Variants in PPM1L observed in about 807,000 individuals in gnomAD.
The protein encoded by PPM1L is protein phosphatase 1L.
Under a neutral mutation model 31.4 loss-of-function variants are expected in PPM1L, and 13 were observed. The ratio of observed to expected loss-of-function variants is 0.41; its 90% CI spans 0.27 to 0.66. The LOEUF is 0.66. PPM1L is among the 30% of genes least tolerant of loss of function. PPM1L has a pLI of 0.29. For missense variants in PPM1L, 326 were observed against 453.7 expected (o/e 0.72, Z 2.56); for synonymous variants, 184 against 175.4 (o/e 1.05, Z -0.39).
In PPM1L at chr3:160,917,891, G is replaced by A. The variant is rs577273430; in HGVS notation, c.400-43845G>A. Reference sequence around the variant, plus strand: ...TGATTAATATTCCTTTTCTTTGTTCGTAATAAAATTCAAGATAGATTTCAA... The same window carrying A: ...TGATTAATATTCCTTTTCTTTGTTCATAATAAAATTCAAGATAGATTTCAA... On this transcript the variant is annotated intron_variant, in intron 1 of 3. Transcript: ENST00000498165. Among the ~76,000 whole-genome samples the A allele has an allele frequency of 2.2e-4, 33 of 152,018 alleles. 3 individuals are homozygous for A. In the South Asian group the frequency reaches 5.0e-3, roughly 23 times the overall value.
intron 1 of PPM1L, among the ~76,000 whole-genome samples, chr3:160,919,949 T>C (rs1355119858): frequency 6.6e-6 from 1 of 152,130 alleles, no homozygotes; most frequent in Non-Finnish European, 1.5e-5. Flanking sequence ...CTTCCCCAGC[T>C]TTCTCCCCAC....
chr3:160,834,258 C>T (rs965153834), intron 1 of PPM1L, among the ~76,000 whole-genome samples: 3 of 151,884 alleles, frequency 2.0e-5, no homozygotes, highest in South Asian at 2.1e-4. Flanking sequence ...CTCCTGACCT[C>T]GTGATCTGCC....
At chr3:161,030,828 T>C (rs1718542551) in intron 2 of PPM1L, among the ~76,000 whole-genome samples, 2 of 152,094 alleles carry the variant, frequency 1.3e-5, no homozygotes, top group East Asian at 1.9e-4. Flanking sequence ...ACACAGGATA[T>C]AGAAACAATC....
chr3:161,022,080 C>A, intron 2 of PPM1L: 1 of 599,234 alleles, frequency 1.7e-6, no homozygotes, highest in Non-Finnish European at 2.9e-6. Context: ...GTTCCTTTAT[C>A]ACTCCATTAT....
chr3:160,820,559 A>G (rs1319717348), intron 1 of PPM1L, among the ~76,000 whole-genome samples: 1 of 152,004 alleles, frequency 6.6e-6, no homozygotes. Context: ...TTCTTACTTA[A>G]CAACTTTTAC....
chr3:160,772,677 AG>A (rs1475991940), intron 1 of PPM1L, among the ~76,000 whole-genome samples: 1 of 152,184 alleles, frequency 6.6e-6, no homozygotes, highest in East Asian at 1.9e-4. Flanking sequence ...CACCCTCAAA[AG>A]TTTCTTGATG....
intron 3 of PPM1L, among the ~76,000 whole-genome samples, chr3:161,067,542 A>G (rs1422578745): frequency 6.6e-6 from 1 of 152,200 alleles, no homozygotes; most frequent in Non-Finnish European, 1.5e-5. Flanking sequence ...GCTGTCATTT[A>G]TTGTGTGCTT....
At position 160,944,839 on chromosome 3, in the gene PPM1L, TGTTATATATAACATATATTATATATA is replaced by T. The variant is rs1385351603; in HGVS notation, c.400-16896_400-16871del. 2.3e-4 allele frequency among the ~76,000 whole-genome samples: 13 copies of T among 57,378 alleles called. 3 individuals carry two copies. The highest frequency in any genetic ancestry group is 7.9e-4 in the African/African-American group (13 of 16,474). 37.6% of individuals were successfully genotyped at this position (57,378 alleles called of 152,430 possible). A position where few individuals can be genotyped will look rare whatever the true frequency, so the allele number is the denominator to read the frequency against. ...ATATATGTTATATATAACATATATATGTTATATATAACATATATTATATATAATGTTATATATAACATATATATTAT... is the reference window on the plus strand; with the variant it reads ...ATATATGTTATATATAACATATATATATGTTATATATAACATATATATTAT... On this transcript the variant is annotated intron_variant, in intron 1 of 3. Coordinates refer to ENST00000498165, the MANE Select transcript of PPM1L (RefSeq NM_139245.4).
At chr3:160,858,456 A>C (rs1711792526) in intron 1 of PPM1L, among the ~76,000 whole-genome samples, 1 of 152,160 alleles carries the variant, frequency 6.6e-6, no homozygotes, top group Non-Finnish European at 1.5e-5. Flanking sequence ...TGTGTTGGTC[A>C]GGCTGGTCCT....
rs1559947936 is a variant in PPM1L, at chr3:161,077,321, G to A, written c.*8164G>A. 1 of 152,154 alleles carries A rather than the reference G, an allele frequency of 6.6e-6. No individual in the cohort carries two copies. The highest frequency in any genetic ancestry group is 1.5e-5 in the Non-Finnish European group (1 of 68,034). The allele number at this position is 152,154 out of a possible 1,614,324, so 9.4% of individuals were successfully genotyped here. ...CCTAGTTTCTGAAGGATGGGGTGGGGAGTGAGACATGGAGCCTCTGGGGAC... is the reference window on the plus strand; with the variant it reads ...CCTAGTTTCTGAAGGATGGGGTGGGAAGTGAGACATGGAGCCTCTGGGGAC... On this transcript the variant is annotated 3_prime_UTR_variant, in exon 4 of 4. Coordinates refer to ENST00000498165, the MANE Select transcript of PPM1L (RefSeq NM_139245.4).
At chr3:161,049,567 G>A (rs1559937202) in intron 2 of PPM1L, among the ~76,000 whole-genome samples, 2 of 152,094 alleles carry the variant, frequency 1.3e-5, no homozygotes, top group South Asian at 2.1e-4. Context: ...CAAAATCTTC[G>A]TCTTCTACTC....
chr3:160,961,246 G>C (rs1715955533), intron 1 of PPM1L, among the ~76,000 whole-genome samples: 1 of 152,086 alleles, frequency 6.6e-6, no homozygotes, highest in South Asian at 2.1e-4. Context: ...ATCAGCCCTA[G>C]CAGAGGACTC....
At chr3:161,048,155 A>G (rs1318984124) in intron 2 of PPM1L, among the ~76,000 whole-genome samples, 2 of 152,230 alleles carry the variant, frequency 1.3e-5, no homozygotes, top group African/African-American at 4.8e-5. Context: ...CAGGCAACCT[A>G]CAGAATGGGA....
At chr3:160,839,021 G>A (rs939018231) in intron 1 of PPM1L, among the ~76,000 whole-genome samples, 11 of 151,858 alleles carry the variant, frequency 7.2e-5, no homozygotes, top group African/African-American at 2.7e-4. Flanking sequence ...ATAAGAAGAG[G>A]AAGACAGACC....
chr3:160,940,475 C>T (rs1054788810), intron 1 of PPM1L, among the ~76,000 whole-genome samples: 4 of 152,142 alleles, frequency 2.6e-5, no homozygotes, highest in Non-Finnish European at 4.4e-5. Flanking sequence ...GGCGCAGGGT[C>T]CCTGTGCTGT....
intron 1 of PPM1L, among the ~76,000 whole-genome samples, chr3:160,834,662 G>T (rs1022266797): frequency 1.3e-5 from 2 of 152,018 alleles, no homozygotes; most frequent in African/African-American, 4.8e-5. Context: ...CATATAGTAT[G>T]CACTTAATAC....
chr3:160,985,693 T>G (rs1049372497), intron 2 of PPM1L, among the ~76,000 whole-genome samples: 2 of 152,202 alleles, frequency 1.3e-5, no homozygotes, highest in Non-Finnish European at 2.9e-5. Flanking sequence ...TGAAGATGTC[T>G]TATGTATCTT....
chr3:160,890,126 G>A (rs139234967), intron 1 of PPM1L, among the ~76,000 whole-genome samples: 127 of 152,300 alleles, frequency 8.3e-4, no homozygotes, highest in African/African-American at 2.8e-3. Flanking sequence ...GTTCAACATA[G>A]TATTGGAAGT....
chr3:160,773,893 C>T (rs548769873), intron 1 of PPM1L, among the ~76,000 whole-genome samples: 1 of 152,198 alleles, frequency 6.6e-6, no homozygotes, highest in South Asian at 2.1e-4. Context: ...TTCTCTGCTC[C>T]TTCTGTGACT....
Sources: gnomAD v4.1 joint callset for allele counts (sites outside exome capture counted in the v4.1 genomes callset) on GRCh38, gnomAD v4.1.1 for gene constraint, MANE v1.5 for transcripts, NCBI Gene and HGNC (gene_info 2026-07-23, HGNC 2026-07-21) for gene names.